The following KIAA0825 variants were observed in gnomAD, a reference collection of about 807,000 sequenced individuals.
KIAA0825 encodes uncharacterized protein KIAA0825.
A neutral mutation model predicts 147.6 loss-of-function variants in KIAA0825; 119 were observed. That is an observed-to-expected ratio of 0.81 (90% CI 0.69 to 0.94). The LOEUF (loss-of-function observed/expected upper bound fraction) is 0.94, where lower values mean the gene tolerates loss of function less well. Ranked by LOEUF, KIAA0825 falls within the 40% of genes least tolerant of loss-of-function variation. The probability of loss-of-function intolerance (pLI) is 0.00; values close to 1 mark genes in which losing one functional copy is unlikely to be tolerated. For synonymous variants in KIAA0825, 470 were observed against 518.1 expected (o/e 0.91, Z 1.26); for missense variants, 1,381 against 1,472.7 (o/e 0.94, Z 1.02).
At chr5:94,509,113 G>C (rs935805071) in intron 5 of KIAA0825, among the ~76,000 whole-genome samples, 2 of 152,168 alleles carry the variant, frequency 1.3e-5, no homozygotes, top group East Asian at 3.8e-4. Flanking sequence ...AAGAGGCATT[G>C]ACAAGTTTAT....
At chr5:94,211,661 G>T (rs916013903) in intron 20 of KIAA0825, among the ~76,000 whole-genome samples, 1 of 151,990 alleles carries the variant, frequency 6.6e-6, no homozygotes, top group African/African-American at 2.4e-5. Flanking sequence ...CGTATACTTT[G>T]TCCACTATCT....
intron 2 of KIAA0825, among the ~76,000 whole-genome samples, chr5:94,547,236 G>T (rs184325465): frequency 6.6e-6 from 1 of 151,890 alleles, no homozygotes; most frequent in Non-Finnish European, 1.5e-5. Context: ...GCCTGAAAAG[G>T]GCAAATCTAA....
intron 12 of KIAA0825, among the ~76,000 whole-genome samples, chr5:94,460,743 G>T (rs556600954): frequency 3.9e-4 from 59 of 151,062 alleles, no homozygotes; most frequent in Non-Finnish European, 6.8e-4. Context: ...AATTGGCAAA[G>T]AACATGTTGC....
At chr5:94,494,103 C>G (rs1211960252) in intron 5 of KIAA0825, among the ~76,000 whole-genome samples, 1 of 152,054 alleles carries the variant, frequency 6.6e-6, no homozygotes, top group East Asian at 1.9e-4. Flanking sequence ...ACTGAAAAGA[C>G]ACTGCTTCTA....
chr5:94,575,077 G>T (rs1780750948), intron 2 of KIAA0825, among the ~76,000 whole-genome samples: 1 of 152,150 alleles, frequency 6.6e-6, no homozygotes, highest in Non-Finnish European at 1.5e-5. Context: ...GATGAAAATA[G>T]TGAAAGATAA....
intron 20 of KIAA0825, among the ~76,000 whole-genome samples, chr5:94,243,532 A>C (rs1775459122): frequency 6.6e-6 from 1 of 152,202 alleles, no homozygotes; most frequent in African/African-American, 2.4e-5. Flanking sequence ...AGACCTCCAT[A>C]AGTGTAGCTG....
chr5:94,413,173 AC>A (rs1353108506), intron 15 of KIAA0825: 2 of 151,600 alleles, frequency 1.3e-5, no homozygotes, highest in African/African-American at 4.8e-5. Flanking sequence ...CTGGTCTCAA[AC>A]TCTCGACCGC....
chr5:94,591,384 T>C (rs1784328889), intron 1 of KIAA0825, among the ~76,000 whole-genome samples: 1 of 152,208 alleles, frequency 6.6e-6, no homozygotes, highest in African/African-American at 2.4e-5. Flanking sequence ...TGTCTTTAAT[T>C]AAAGATCTGA....
At chr5:94,321,547 A>C (rs560425346) in intron 20 of KIAA0825, among the ~76,000 whole-genome samples, 1 of 152,118 alleles carries the variant, frequency 6.6e-6, no homozygotes, top group East Asian at 1.9e-4. Flanking sequence ...GAGTCTAAGT[A>C]AAGCATGTAA....
intron 20 of KIAA0825, among the ~76,000 whole-genome samples, chr5:94,250,758 T>G (rs1033978511): frequency 6.6e-6 from 1 of 152,186 alleles, no homozygotes; most frequent in Non-Finnish European, 1.5e-5. Flanking sequence ...TCATAATTTA[T>G]AGCTACAATT....
intron 20 of KIAA0825, among the ~76,000 whole-genome samples, chr5:94,199,784 T>A (rs1771493859): frequency 6.6e-6 from 1 of 152,134 alleles, no homozygotes; most frequent in Admixed American, 6.5e-5. Flanking sequence ...CGGGGGAGGC[T>A]GCAGCAAAGT....
At chr5:94,583,112 A>T (rs1480405002) in intron 1 of KIAA0825, among the ~76,000 whole-genome samples, 1 of 152,158 alleles carries the variant, frequency 6.6e-6, no homozygotes, top group Non-Finnish European at 1.5e-5. Flanking sequence ...ATCGACGCAT[A>T]AGACGGGTGA....
Position 94,152,838 on chromosome 5 carries a change from AAAAAAAAAAAAAAAAAATTATATATAT to A in KIAA0825, c.*1142_*1168del, listed in dbSNP as rs1766605420. 1 of 31,644 alleles carries A rather than the reference AAAAAAAAAAAAAAAAAATTATATATAT, an allele frequency of 3.2e-5. No homozygotes were observed. The highest frequency in any genetic ancestry group is 6.3e-5 in the Non-Finnish European group (1 of 15,974). The allele number at this position is 31,644 out of a possible 1,614,324, so 2.0% of individuals were successfully genotyped here. A position where few individuals can be genotyped will look rare whatever the true frequency, so the allele number is the denominator to read the frequency against. On this transcript the variant is annotated 3_prime_UTR_variant, in exon 21 of 21. Coordinates refer to ENST00000682413, the MANE Select transcript of KIAA0825 (RefSeq NM_001145678.3). ...TCTAAAATGAAAAAAAAAAAAAAAA[AAAAAAAAAAAAAAAAAATTATATATAT>A]ATATATATATATATATATATATATA... is the stretch of plus-strand genomic sequence containing the variant.
intron 3 of KIAA0825, among the ~76,000 whole-genome samples, chr5:94,528,103 C>T (rs1000605369): frequency 5.9e-5 from 9 of 152,110 alleles, no homozygotes; most frequent in African/African-American, 1.2e-4. Context: ...TTTTCTATTT[C>T]GGAGACATTT....
rs200749634 is a variant in KIAA0825, at chr5:94,296,788, T to G, written c.3710+87580A>C. Among the ~76,000 whole-genome samples, 31 of 152,276 alleles carry G rather than the reference T, an allele frequency of 2.0e-4. No homozygotes were observed. In the East Asian group the frequency reaches 5.2e-3, roughly 26 times the overall value. On this transcript the variant is annotated intron_variant, in intron 20 of 20. Transcript: ENST00000682413. ...CTGGGTTGGAAGTGCAGAAATCACC[T>G]GCCTTCTGCATTGATCTTGCTGGGA...
intron 14 of KIAA0825, among the ~76,000 whole-genome samples, chr5:94,435,699 C>T (rs1313721095): frequency 6.6e-6 from 1 of 152,214 alleles, no homozygotes; most frequent in African/African-American, 2.4e-5. Context: ...AATCTCTGCA[C>T]TGTCTTCCAC....
At chr5:94,606,395 G>A (rs1485533754) in intron 1 of KIAA0825, among the ~76,000 whole-genome samples, 1 of 152,118 alleles carries the variant, frequency 6.6e-6, no homozygotes, top group East Asian at 1.9e-4. Flanking sequence ...CACAGAACTA[G>A]AACAAATTAT....
chr5:94,379,170 T>A (rs997283967), intron 20 of KIAA0825, among the ~76,000 whole-genome samples: 1 of 152,212 alleles, frequency 6.6e-6, no homozygotes, highest in African/African-American at 2.4e-5. Context: ...CATCGTGAAA[T>A]CTTTGCCAAG....
At chr5:94,302,003 T>C (rs1453280616) in intron 20 of KIAA0825, among the ~76,000 whole-genome samples, 2 of 152,136 alleles carry the variant, frequency 1.3e-5, no homozygotes, top group Non-Finnish European at 1.5e-5. Context: ...ACCGAATGCA[T>C]TTGTAACTGA....
Sources: gnomAD v4.1 joint callset for allele counts (sites outside exome capture counted in the v4.1 genomes callset) on GRCh38, gnomAD v4.1.1 for gene constraint, MANE v1.5 for transcripts, NCBI Gene and HGNC (gene_info 2026-07-23, HGNC 2026-07-21) for gene names.